The following PPP2R3A variants were observed in gnomAD, a reference collection of about 807,000 sequenced individuals.
PPP2R3A encodes protein phosphatase 2 regulatory subunit B''alpha.
A neutral mutation model predicts 106.9 loss-of-function variants in PPP2R3A; 80 were observed. The ratio of observed to expected loss-of-function variants is 0.75; its 90% CI spans 0.62 to 0.90. PPP2R3A has a LOEUF of 0.90. PPP2R3A is among the 40% of genes least tolerant of loss of function. The pLI is 0.00. For missense variants in PPP2R3A, 1,386 were observed against 1,350.4 expected, an observed-to-expected ratio of 1.03 and a Z score of -0.41; for synonymous variants, 483 against 468.3, an observed-to-expected ratio of 1.03 and a Z score of -0.41.
chr3:135,975,938 A>G (rs1469915886), intron 1 of PPP2R3A, among the ~76,000 whole-genome samples: 4 of 152,168 alleles, frequency 2.6e-5, no homozygotes, highest in East Asian at 1.9e-4. Flanking sequence ...ACCCTCACCA[A>G]TTTGTGAATT....
At chr3:136,068,714 C>G (rs1034495799) in intron 5 of PPP2R3A, among the ~76,000 whole-genome samples, 12 of 152,174 alleles carry the variant, frequency 7.9e-5, no homozygotes, top group Non-Finnish European at 1.6e-4. Flanking sequence ...GATATTGACA[C>G]TCTCAAAAGC....
intron 13 of PPP2R3A, among the ~76,000 whole-genome samples, chr3:136,133,240 T>C (rs1007568390): frequency 2.0e-5 from 3 of 152,054 alleles, no homozygotes; most frequent in African/African-American, 7.2e-5. Flanking sequence ...GGAGAAAATA[T>C]TTCCAAAACA....
chr3:136,055,069 A>T (rs560049261), intron 5 of PPP2R3A: 16 of 362,928 alleles, frequency 4.4e-5, no homozygotes, highest in South Asian at 4.3e-4. Context: ...ACATTTCAAT[A>T]TTTTAAAGTA....
At chr3:136,004,994 T>A (rs1576427761) in intron 2 of PPP2R3A, among the ~76,000 whole-genome samples, 1 of 152,288 alleles carries the variant, frequency 6.6e-6, no homozygotes, top group East Asian at 1.9e-4. Context: ...GGGGAACAAA[T>A]GCATATTGTC....
intron 10 of PPP2R3A, among the ~76,000 whole-genome samples, chr3:136,097,318 T>C (rs1937240021): frequency 6.6e-6 from 1 of 152,242 alleles, no homozygotes; most frequent in Non-Finnish European, 1.5e-5. Flanking sequence ...TGCTAAACTT[T>C]TCAGGGACAA....
intron 9 of PPP2R3A, among the ~76,000 whole-genome samples, 200 bp downstream of exon 9, chr3:136,088,131 G>A (rs139374704): frequency 5.3e-5 from 8 of 152,190 alleles, no homozygotes; most frequent in Non-Finnish European, 1.0e-4. Flanking sequence ...GGGGGTACAC[G>A]TGCAGGTCTG....
chr3:136,110,580 T>C lies in PPP2R3A; in HGVS notation c.3329+4258T>C, dbSNP rs981504643. 1.1e-4 allele frequency among the ~76,000 whole-genome samples: 16 copies of C among 152,160 alleles called. No individual in the cohort carries two copies. In the East Asian group the frequency reaches 3.1e-3, roughly 29 times the overall value. On this transcript the variant is annotated intron_variant, in intron 13 of 13. Coordinates refer to ENST00000264977, the MANE Select transcript of PPP2R3A (RefSeq NM_002718.5). ...ATACACAGGAGAAGGAATCAGCAAT[T>C]TTTTTCTAACCAGTTATAAATACTT...
intron 9 of PPP2R3A, among the ~76,000 whole-genome samples, chr3:136,090,254 T>C (rs1409088088): frequency 6.6e-6 from 1 of 152,148 alleles, no homozygotes; most frequent in Non-Finnish European, 1.5e-5. Context: ...ACGGCTCTTA[T>C]TATTTTGAGG....
Position 136,001,960 on chromosome 3 carries a change from G to A in PPP2R3A, c.462G>A (p.Arg154=). 1 of 1,614,166 alleles carries A rather than the reference G, an allele frequency of 6.2e-7. No individual in the cohort carries two copies. The highest frequency in any genetic ancestry group is 8.5e-7 in the Non-Finnish European group (1 of 1,180,022). Residue 154 remains arginine, a synonymous_variant, in exon 2 of 14, where the codon AGG becomes AGA. Transcript: ENST00000264977. ...RKVKSDSFNR[R]SVDLDLLCGH... ...TTAAGTCTGACTCATTTAATAGGAG[G>A]TCAGTTGATTTGGACTTGCTTTGTG...
intron 4 of PPP2R3A, among the ~76,000 whole-genome samples, chr3:136,049,002 T>C (rs936067849): frequency 6.6e-6 from 1 of 152,098 alleles, no homozygotes; most frequent in Non-Finnish European, 1.5e-5. Context: ...CCTTCCTGTT[T>C]CCGTTTTACC....
At chr3:136,026,711 G>A in intron 2 of PPP2R3A, 121 bp from the exon 3 acceptor site, 2 of 853,658 alleles carry the variant, frequency 2.3e-6, no homozygotes, top group Non-Finnish European at 3.5e-6. Context: ...ACCTTTAAGA[G>A]TACAGTGAGC....
At chr3:136,080,292 G>A (rs990611617) in intron 7 of PPP2R3A, among the ~76,000 whole-genome samples, 32 of 151,908 alleles carry the variant, frequency 2.1e-4, no homozygotes, top group Non-Finnish European at 2.1e-4. Context: ...TGTCCAAATC[G>A]TTTTCAGATT....
intron 2 of PPP2R3A, among the ~76,000 whole-genome samples, chr3:136,014,772 A>G (rs1229994439): frequency 6.6e-6 from 1 of 152,144 alleles, no homozygotes; most frequent in African/African-American, 2.4e-5. Context: ...ATCAGCAAAC[A>G]GCGACAGTTT....
intron 13 of PPP2R3A, among the ~76,000 whole-genome samples, chr3:136,135,249 A>G (rs969499368): frequency 3.9e-5 from 6 of 152,114 alleles, no homozygotes; most frequent in Non-Finnish European, 5.9e-5. Flanking sequence ...GTTGTGGGAG[A>G]TAAGATAAGG....
chr3:136,126,012 A>G (rs1166826210), intron 13 of PPP2R3A, among the ~76,000 whole-genome samples: 1 of 152,212 alleles, frequency 6.6e-6, no homozygotes, highest in African/African-American at 2.4e-5. Context: ...AAGAAAAAAA[A>G]GGAGGGGCGT....
At chr3:136,025,683 A>G (rs114546818) in intron 2 of PPP2R3A, among the ~76,000 whole-genome samples, 82 of 152,196 alleles carry the variant, frequency 5.4e-4, no homozygotes, top group African/African-American at 1.9e-3. Context: ...TCATTGTTCA[A>G]ACTTTAGAGA....
intron 5 of PPP2R3A, among the ~76,000 whole-genome samples, chr3:136,062,064 C>T (rs75406565): frequency 0.012 from 1,900 of 152,126 alleles, 45 homozygotes; most frequent in African/African-American, 0.043. Flanking sequence ...TGGCATCCCT[C>T]AGGAAATGGA....
intron 4 of PPP2R3A, 65 bp downstream of exon 4, chr3:136,041,027 C>A: frequency 7.5e-7 from 1 of 1,326,036 alleles, no homozygotes; most frequent in Non-Finnish European, 1.1e-6. Flanking sequence ...GACATGCTTT[C>A]TAAAGGTCAC....
chr3:136,129,689 C>G (rs1300761516), intron 13 of PPP2R3A, among the ~76,000 whole-genome samples: 1 of 152,182 alleles, frequency 6.6e-6, no homozygotes, highest in Non-Finnish European at 1.5e-5. Context: ...CATCCTGATG[C>G]CAAAGCCTAC....
Sources: allele counts gnomAD v4.1 joint callset (sites outside exome capture counted in the v4.1 genomes callset), GRCh38; gene constraint gnomAD v4.1.1; transcripts MANE v1.5; gene names NCBI Gene and HGNC (gene_info 2026-07-23, HGNC 2026-07-21).